CAMK1D: variants seen among roughly 807,000 people sequenced by gnomAD.
The protein encoded by CAMK1D is calcium/calmodulin dependent protein kinase ID, also known as calcium/calmodulin-dependent protein kinase type 1D.
CAMK1D carries 9 observed loss-of-function variants against 47.7 expected under a neutral mutation model. The ratio of observed to expected loss-of-function variants is 0.19; its 90% CI spans 0.11 to 0.33. The LOEUF is 0.33. CAMK1D is among the 10% of genes least tolerant of loss of function. The pLI, the probability that CAMK1D is intolerant of heterozygous loss-of-function variation, is 1.00. For missense variants in CAMK1D, 291 were observed against 488.7 expected (o/e 0.60, Z 3.81); for synonymous variants, 184 against 184.9 (o/e 0.99, Z 0.04).
In CAMK1D at chr10:12,833,864, G is replaced by A. The variant is rs1474680597; in HGVS notation, c.*4977G>A. 4 of 142,256 alleles carry A rather than the reference G, an allele frequency of 2.8e-5. No individual in the cohort carries two copies. Among genetic ancestry groups the A allele is most frequent in the Admixed American group, 2.3e-4 (3 of 13,180 alleles). 8.8% of individuals were successfully genotyped at this position (142,256 alleles called of 1,614,324 possible). ...CCTATTCTGTCTACCCACACTCTGCGAACTTTGCCTTTTCCTTAAACACAT... is the reference window on the plus strand; with the variant it reads ...CCTATTCTGTCTACCCACACTCTGCAAACTTTGCCTTTTCCTTAAACACAT... On this transcript the variant is annotated 3_prime_UTR_variant, in exon 11 of 11. Coordinates refer to ENST00000619168, the MANE Select transcript of CAMK1D (RefSeq NM_153498.4).
intron 1 of CAMK1D, among the ~76,000 whole-genome samples, chr10:12,377,049 C>T (rs1270124785): frequency 1.3e-5 from 2 of 152,156 alleles, no homozygotes; most frequent in Non-Finnish European, 2.9e-5. Flanking sequence ...GTGTGAGCCA[C>T]CGCACCCGGC....
At chr10:12,784,563 G>A (rs1158248738) in intron 5 of CAMK1D, among the ~76,000 whole-genome samples, 1 of 152,190 alleles carries the variant, frequency 6.6e-6, no homozygotes, top group Non-Finnish European at 1.5e-5. Context: ...GAGTTAGGGT[G>A]AATTCTGCCT....
At chr10:12,379,084 A>G (rs761579025) in intron 1 of CAMK1D, among the ~76,000 whole-genome samples, 32 of 152,166 alleles carry the variant, frequency 2.1e-4, no homozygotes, top group Non-Finnish European at 4.0e-4. Context: ...TGTTGGGATT[A>G]CAGGCAAGAG....
At chr10:12,635,167 G>A (rs1430818507) in intron 2 of CAMK1D, among the ~76,000 whole-genome samples, 1 of 152,058 alleles carries the variant, frequency 6.6e-6, no homozygotes, top group Non-Finnish European at 1.5e-5. Context: ...AGGAGAGTTT[G>A]GGGGCTCGGG....
At chr10:12,601,799 T>C (rs1838312305) in intron 2 of CAMK1D, among the ~76,000 whole-genome samples, 2 of 152,178 alleles carry the variant, frequency 1.3e-5, no homozygotes, top group Admixed American at 1.3e-4. Flanking sequence ...CTAAACACAG[T>C]GGCAAGCCAT....
chr10:12,553,382 C>G, intron 2 of CAMK1D, 26 bp downstream of exon 2: 1 of 1,538,378 alleles, frequency 6.5e-7, no homozygotes, highest in Non-Finnish European at 9.0e-7. Flanking sequence ...CAACCCTCCT[C>G]CCTTCCCTAC....
intron 1 of CAMK1D, among the ~76,000 whole-genome samples, chr10:12,532,285 T>C (rs1835829503): frequency 7.5e-6 from 1 of 132,804 alleles, no homozygotes; most frequent in African/African-American, 2.7e-5. Flanking sequence ...TTTATTTTCT[T>C]TTTTTTTTTT....
chr10:12,666,733 C>T lies in CAMK1D; in HGVS notation c.225-3C>T, dbSNP rs1189045787. The T allele has an allele frequency of 4.4e-6, 7 of 1,593,268 alleles. No homozygotes were observed. Among genetic ancestry groups the T allele is most frequent in the East Asian group, 2.2e-5 (1 of 44,698 alleles). ...TATTTTGTGCGTCTATTTTTTTTTT[C>T]AGGATTAAGCATGAAAATATTGTTG... On this transcript the variant is annotated splice_region_variant and splice_polypyrimidine_tract_variant and intron_variant, in intron 2 of 10. Transcript: ENST00000619168.
chr10:12,596,556 T>G (rs1453436954), intron 2 of CAMK1D, among the ~76,000 whole-genome samples: 1 of 152,158 alleles, frequency 6.6e-6, no homozygotes, highest in East Asian at 1.9e-4. Context: ...ACACTCCAAA[T>G]CTCTTAGTTT....
At chr10:12,805,761 T>C (rs982945742) in intron 6 of CAMK1D, among the ~76,000 whole-genome samples, 2 of 152,048 alleles carry the variant, frequency 1.3e-5, no homozygotes, top group Non-Finnish European at 2.9e-5. Context: ...AGGGACCGAG[T>C]CAGGTTGGGG....
intron 1 of CAMK1D, among the ~76,000 whole-genome samples, chr10:12,411,660 G>A (rs1235953691): frequency 1.3e-5 from 2 of 149,506 alleles, no homozygotes; most frequent in Admixed American, 6.7e-5. Context: ...GTGCAGTGGC[G>A]TGATCTTGGT....
chr10:12,782,157 G>A (rs2130968377), intron 5 of CAMK1D, among the ~76,000 whole-genome samples: 1 of 152,228 alleles, frequency 6.6e-6, no homozygotes, highest in Middle Eastern at 3.4e-3. Context: ...ACAGACTTCA[G>A]GCAGAGAACG....
At chr10:12,535,317 G>A (rs1407842242) in intron 1 of CAMK1D, among the ~76,000 whole-genome samples, 1 of 152,196 alleles carries the variant, frequency 6.6e-6, no homozygotes, top group Non-Finnish European at 1.5e-5. Flanking sequence ...TCTCTGTTCT[G>A]AAGTGACTTG....
intron 1 of CAMK1D, among the ~76,000 whole-genome samples, chr10:12,390,352 C>G (rs6602584): frequency 6.6e-6 from 1 of 151,884 alleles, no homozygotes; most frequent in African/African-American, 2.4e-5. Flanking sequence ...ATTATAGGAA[C>G]GAGCCACTTT....
At chr10:12,669,870 T>C (rs556347313) in intron 3 of CAMK1D, among the ~76,000 whole-genome samples, 98 of 152,210 alleles carry the variant, frequency 6.4e-4, no homozygotes, top group Non-Finnish European at 1.1e-3. Flanking sequence ...TCATTCCTTT[T>C]TATTGCTGAG....
chr10:12,449,266 C>T (rs1833011012), intron 1 of CAMK1D, among the ~76,000 whole-genome samples: 1 of 152,080 alleles, frequency 6.6e-6, no homozygotes, highest in African/African-American at 2.4e-5. Context: ...AGAACCTCCC[C>T]AAGCTGAGTG....
intron 2 of CAMK1D, among the ~76,000 whole-genome samples, chr10:12,571,822 C>A (rs1458012056): frequency 6.6e-6 from 1 of 152,070 alleles, no homozygotes; most frequent in Non-Finnish European, 1.5e-5. Context: ...CATTTGGTAT[C>A]TTTTTAGGGG....
intron 6 of CAMK1D, among the ~76,000 whole-genome samples, chr10:12,806,718 C>T (rs1378002165): frequency 6.6e-6 from 1 of 152,164 alleles, no homozygotes; most frequent in East Asian, 1.9e-4. Context: ...GTGTAATCAG[C>T]TAGGTGATTT....
intron 1 of CAMK1D, among the ~76,000 whole-genome samples, chr10:12,352,447 A>T (rs1837380866): frequency 1.3e-5 from 2 of 151,768 alleles, no homozygotes; most frequent in Non-Finnish European, 2.9e-5. Flanking sequence ...TGTTGCTACT[A>T]ACAATAACAA....
Sources: allele counts gnomAD v4.1 joint callset (sites outside exome capture counted in the v4.1 genomes callset), GRCh38; gene constraint gnomAD v4.1.1; transcripts MANE v1.5; gene names NCBI Gene and HGNC (gene_info 2026-07-23, HGNC 2026-07-21).